The following RBFOX1 variants were observed in gnomAD, a reference collection of about 807,000 sequenced individuals.
RBFOX1 encodes RNA binding protein fox-1 homolog 1.
Under a neutral mutation model 57.7 loss-of-function variants are expected in RBFOX1, and 8 were observed. That is an observed-to-expected ratio of 0.14 (90% CI 0.08 to 0.25). RBFOX1 has a LOEUF of 0.25. Ranked by LOEUF, RBFOX1 falls within the 10% of genes least tolerant of loss-of-function variation. RBFOX1 has a pLI of 1.00. For synonymous variants in RBFOX1, 326 were observed against 222.4 expected (o/e 1.47, Z -4.15); for missense variants, 611 against 548.5 (o/e 1.11, Z -1.14).
At chr16:7,385,084 C>T (rs1288357192) in intron 4 of RBFOX1, among the ~76,000 whole-genome samples, 1 of 152,120 alleles carries the variant, frequency 6.6e-6, no homozygotes, top group Non-Finnish European at 1.5e-5. Context: ...TGAACAGATC[C>T]CTGGAAAATA....
intron 2 of RBFOX1, among the ~76,000 whole-genome samples, chr16:6,326,547 C>T (rs1267314930): frequency 1.3e-5 from 2 of 152,120 alleles, no homozygotes; most frequent in Non-Finnish European, 2.9e-5. Flanking sequence ...CTTCATCCTT[C>T]TCAGAGGGCA....
intron 5 of RBFOX1, among the ~76,000 whole-genome samples, chr16:7,526,897 C>T (rs759496522): frequency 3.3e-5 from 5 of 152,182 alleles, no homozygotes; most frequent in Non-Finnish European, 7.3e-5. Context: ...GACCAAAATT[C>T]TTAAGGGCTG....
At chr16:7,610,457 C>T (rs1462405165) in intron 10 of RBFOX1, among the ~76,000 whole-genome samples, 1 of 151,800 alleles carries the variant, frequency 6.6e-6, no homozygotes, top group Non-Finnish European at 1.5e-5. Flanking sequence ...TGTGTGCAAA[C>T]CAGTGAAATA....
intron 11 of RBFOX1, among the ~76,000 whole-genome samples, chr16:7,643,628 C>G (rs921963859): frequency 2.0e-5 from 3 of 152,198 alleles, no homozygotes; most frequent in African/African-American, 7.2e-5. Flanking sequence ...TGCTCACTAA[C>G]TCTACAGAAT....
intron 2 of RBFOX1, among the ~76,000 whole-genome samples, chr16:6,569,463 G>A (rs868624812): frequency 1.3e-5 from 2 of 152,170 alleles, no homozygotes; most frequent in Non-Finnish European, 2.9e-5. Flanking sequence ...GCTAATCAGT[G>A]CCAAAGTAAT....
chr16:7,262,661 A>G (rs574415984), intron 4 of RBFOX1, among the ~76,000 whole-genome samples: 3 of 152,360 alleles, frequency 2.0e-5, no homozygotes, highest in South Asian at 2.1e-4. Flanking sequence ...ACAATCTGCA[A>G]TCTATCAAGG....
At chr16:6,205,886 A>C (rs1405690724) in intron 1 of RBFOX1, among the ~76,000 whole-genome samples, 1 of 62,578 alleles carries the variant, frequency 1.6e-5, no homozygotes, top group Non-Finnish European at 3.0e-5. Flanking sequence ...TTTTTTGGCT[A>C]TGTGGAGAGC....
chr16:6,677,063 C>T (rs776026143), intron 3 of RBFOX1, among the ~76,000 whole-genome samples: 2 of 152,198 alleles, frequency 1.3e-5, no homozygotes, highest in Admixed American at 6.5e-5. Context: ...ATGCTTTCTA[C>T]TTGCAAGACT....
chr16:5,967,263 G>C (rs1373527346), intron 4 of RBFOX1, among the ~76,000 whole-genome samples: 1 of 152,118 alleles, frequency 6.6e-6, no homozygotes, highest in East Asian at 1.9e-4. Flanking sequence ...CTAAAAATGA[G>C]CATATATCAA....
At chr16:7,177,675 C>G (rs1384776518) in intron 4 of RBFOX1, among the ~76,000 whole-genome samples, 2 of 152,102 alleles carry the variant, frequency 1.3e-5, no homozygotes, top group African/African-American at 4.8e-5. Context: ...GGCACTTCCA[C>G]AAAATTCTAG....
rs111842295 is a variant in RBFOX1 at position 7,453,521 on chromosome 16, C to G, written c.28-64626C>G. On this transcript the variant is annotated intron_variant, in intron 4 of 15. Coordinates refer to ENST00000550418, the MANE Select transcript of RBFOX1 (RefSeq NM_018723.4). The stretch of plus-strand genomic sequence containing the variant: ...TTAAAAGGACGAGCAGGGGCTGGTC[C>G]TTTAGAAGGCATTGTGTTCATAGTG... Among the ~76,000 whole-genome samples the G allele has an allele frequency of 9.3e-3, 1,414 of 152,266 alleles. 11 individuals are homozygous for G. The highest frequency in any genetic ancestry group is 0.014 in the Non-Finnish European group (979 of 68,026).
intron 2 of RBFOX1, among the ~76,000 whole-genome samples, chr16:5,489,409 G>C (rs1477689007): frequency 1.3e-5 from 2 of 152,224 alleles, no homozygotes; most frequent in East Asian, 3.9e-4. Flanking sequence ...TTTAAGTTCT[G>C]ATCAGCCAGG....
rs532887579 is a variant in RBFOX1, at chr16:7,061,538, C to T, written c.27+9440C>T. Among the ~76,000 whole-genome samples the T allele has an allele frequency of 1.8e-4, 28 of 152,154 alleles. 1 individual carries two copies. In the South Asian group the frequency reaches 5.6e-3, roughly 31 times the overall value. On this transcript the variant is annotated intron_variant, in intron 4 of 15. Coordinates refer to ENST00000550418, the MANE Select transcript of RBFOX1 (RefSeq NM_018723.4). Reference sequence around the variant, plus strand: ...ATGTTAATTAATTCTTTGAGTCTCCCCAGGCATTTGAACACTTTATTTGGA... The same window carrying T: ...ATGTTAATTAATTCTTTGAGTCTCCTCAGGCATTTGAACACTTTATTTGGA...
chr16:6,700,772 C>T (rs753176658), intron 3 of RBFOX1, among the ~76,000 whole-genome samples: 3 of 152,044 alleles, frequency 2.0e-5, no homozygotes, highest in Non-Finnish European at 4.4e-5. Flanking sequence ...CTACATTTAC[C>T]ATGTTATCTA....
At chr16:7,557,074 TTTA>T (rs1230465000) in intron 5 of RBFOX1, among the ~76,000 whole-genome samples, 1 of 152,134 alleles carries the variant, frequency 6.6e-6, no homozygotes, top group Non-Finnish European at 1.5e-5. Flanking sequence ...GTAATGTTGT[TTTA>T]TTTTTTGCTG....
At chr16:6,900,180 A>G (rs946385723) in intron 3 of RBFOX1, among the ~76,000 whole-genome samples, 1 of 152,122 alleles carries the variant, frequency 6.6e-6, no homozygotes, top group African/African-American at 2.4e-5. Flanking sequence ...TCTTATGCTG[A>G]GCCTGTGTGG....
At chr16:6,350,159 A>C (rs1169248180) in intron 2 of RBFOX1, among the ~76,000 whole-genome samples, 1 of 152,076 alleles carries the variant, frequency 6.6e-6, no homozygotes, top group Non-Finnish European at 1.5e-5. Context: ...ATCGTAAAAA[A>C]TACATGGTGT....
intron 4 of RBFOX1, among the ~76,000 whole-genome samples, chr16:7,075,387 G>A (rs777249614): frequency 2.6e-5 from 4 of 152,168 alleles, no homozygotes; most frequent in African/African-American, 4.8e-5. Flanking sequence ...TTGCTGTGTT[G>A]CCTTGTAACA....
chr16:7,080,042 GTA>G (rs35162308), intron 4 of RBFOX1, among the ~76,000 whole-genome samples: 84 of 142,078 alleles, frequency 5.9e-4, no homozygotes, highest in African/African-American at 1.6e-3. Context: ...GTATATAGAT[GTA>G]TATATATATA....
Sources: allele counts gnomAD v4.1 joint callset (sites outside exome capture counted in the v4.1 genomes callset), GRCh38; gene constraint gnomAD v4.1.1; transcripts MANE v1.5; gene names NCBI Gene and HGNC (gene_info 2026-07-23, HGNC 2026-07-21).